The following EIF3J variants were observed in gnomAD, a reference collection of about 807,000 sequenced individuals.
EIF3J encodes eukaryotic translation initiation factor 3, subunit 1 (alpha, 35kD).
Under a neutral mutation model 39.0 loss-of-function variants are expected in EIF3J, and 15 were observed. The observed-to-expected ratio is 0.38, with a 90% CI of 0.26 to 0.59. The LOEUF (loss-of-function observed/expected upper bound fraction) is 0.59. Ranked by LOEUF, EIF3J falls within the 20% of genes least tolerant of loss-of-function variation. The probability of loss-of-function intolerance (pLI) is 0.60; values close to 1 mark genes in which losing one functional copy is unlikely to be tolerated. For synonymous variants in EIF3J, 98 were observed against 112.9 expected, an observed-to-expected ratio of 0.87 and a Z score of 0.84; for missense variants, 226 against 308.6, an observed-to-expected ratio of 0.73 and a Z score of 2.00.
At chr15:44,544,619 G>C (rs1196816896) in intron 2 of EIF3J, among the ~76,000 whole-genome samples, 2 of 149,524 alleles carry the variant, frequency 1.3e-5, no homozygotes, top group Non-Finnish European at 3.0e-5. Context: ...CAGGAGAATC[G>C]CTTGAACCCA....
chr15:44,547,412 G>GAC (rs1295195653), intron 2 of EIF3J, among the ~76,000 whole-genome samples: 1 of 151,454 alleles, frequency 6.6e-6, no homozygotes, highest in Non-Finnish European at 1.5e-5. Context: ...CAAAGTGTTG[G>GAC]GATTACAGGC....
In EIF3J at chr15:44,547,606, G is replaced by A. The variant is rs184274451; in HGVS notation, c.148-3270G>A. On this transcript the variant is annotated intron_variant, in intron 2 of 7. Transcript: ENST00000261868. ...TGGGATTATAGGTGTCTGCCACCAC[G>A]CCCAGCTAATTTTTTGTATTTTTAG... 2.4e-3 allele frequency among the ~76,000 whole-genome samples: 357 copies of A among 151,826 alleles called. 1 individual carries two copies. The highest frequency in any genetic ancestry group is 3.8e-3 in the Non-Finnish European group (261 of 67,932).
intron 5 of EIF3J, among the ~76,000 whole-genome samples, 171 bp from the exon 6 acceptor site, chr15:44,557,318 C>A (rs951453952): frequency 6.6e-6 from 1 of 151,948 alleles, no homozygotes; most frequent in Non-Finnish European, 1.5e-5. Context: ...TTTGTAACCC[C>A]CCTCCCCCCT....
intron 2 of EIF3J, among the ~76,000 whole-genome samples, chr15:44,545,212 C>A (rs1364060453): frequency 6.6e-6 from 1 of 152,114 alleles, no homozygotes; most frequent in Non-Finnish European, 1.5e-5. Context: ...TACTATAATA[C>A]TATTTTTATT....
intron 2 of EIF3J, 58 bp downstream of exon 2, chr15:44,537,485 G>T: frequency 7.0e-7 from 1 of 1,428,912 alleles, no homozygotes; most frequent in South Asian, 1.5e-5. Flanking sequence ...GTTGCCGGCC[G>T]ACTCTGGGCC....
In EIF3J at chr15:44,537,409, C is replaced by G; in HGVS notation, c.129C>G (p.Asp43Glu). 6.4e-7 allele frequency: 1 copy of G among 1,557,392 alleles called. No homozygotes were observed. Among genetic ancestry groups the G allele is most frequent in the East Asian group, 2.4e-5 (1 of 41,972 alleles). ...GCGGGGACCGCTGGGAAGGCGAGGA[C>G]GAGGACGAGGACGTCAAGGTGGGTG... The part of the protein sequence containing the change: ...TAGGDRWEGE[D>E]EDEDVKDNWD... The change falls in exon 2 of 8, where the codon GAC becomes GAG. Residue 43 changes from aspartate (D) to glutamate (E), a missense_variant. Around this residue, in one of 2 missense-constraint regions of EIF3J, gnomAD observed 143 missense variants for 156.0 expected, o/e 0.92. Transcript: ENST00000261868.
chr15:44,546,183 G>A (rs554394725), intron 2 of EIF3J, among the ~76,000 whole-genome samples: 3 of 152,192 alleles, frequency 2.0e-5, no homozygotes, highest in East Asian at 3.9e-4. Context: ...GCAAACTAAC[G>A]GCGAAATACA....
chr15:44,553,665 G>A (rs1265738051), intron 4 of EIF3J, among the ~76,000 whole-genome samples: 1 of 151,682 alleles, frequency 6.6e-6, no homozygotes, highest in African/African-American at 2.4e-5. Context: ...GATGAAAAGG[G>A]GAAATGTTTT....
rs1367567376 is a variant in EIF3J, at chr15:44,561,261, CT to C, written c.*116del. The C allele has an allele frequency of 3.8e-5, 49 of 1,292,582 alleles. No homozygotes were observed. The Admixed American group carries it at 5.7e-4, about 15-fold the overall frequency. The allele number at this position is 1,292,582 out of a possible 1,614,324, so 80.1% of individuals were successfully genotyped here. A position where few individuals can be genotyped will look rare whatever the true frequency, so the allele number is the denominator to read the frequency against. ...AATGCTACAATCAGAAGTGCAGTAT[CT>C]TTTGTGCTGGTTATTTAACCCCTTG... On this transcript the variant is annotated 3_prime_UTR_variant, in exon 8 of 8. Coordinates refer to ENST00000261868, the MANE Select transcript of EIF3J (RefSeq NM_003758.4).
intron 2 of EIF3J, 169 bp from the exon 3 acceptor site, chr15:44,550,707 A>G (rs2082091677): frequency 2.0e-6 from 1 of 505,720 alleles, no homozygotes. Flanking sequence ...ATTCTTGGTT[A>G]GGGCAGCTCA....
At chr15:44,540,265 ATAT>A (rs1198140760) in intron 2 of EIF3J, among the ~76,000 whole-genome samples, 891 of 65,300 alleles carry the variant, frequency 0.014, 5 homozygotes, top group Non-Finnish European at 0.019. Flanking sequence ...ATATATATAT[ATAT>A]TTTTTTTTTT....
At chr15:44,549,260 G>C (rs2082078520) in intron 2 of EIF3J, among the ~76,000 whole-genome samples, 1 of 152,014 alleles carries the variant, frequency 6.6e-6, no homozygotes, top group Admixed American at 6.6e-5. Context: ...AGGCATGGTG[G>C]TGCATGTCTA....
Position 44,561,355 on chromosome 15 carries a change from C to T in EIF3J, c.*206C>T, listed in dbSNP as rs1429182868. The T allele has an allele frequency of 2.3e-6, 1 of 432,486 alleles. No homozygotes were observed. Among genetic ancestry groups the T allele is most frequent in the Non-Finnish European group, 4.0e-6 (1 of 248,588 alleles). The allele number at this position is 432,486 out of a possible 1,614,324, so 26.8% of individuals were successfully genotyped here. On this transcript the variant is annotated 3_prime_UTR_variant, in exon 8 of 8. Transcript: ENST00000261868. ...CTGCCAAGGGGTTAAAATTGGGAACCTAAGTTGCTACTAAATCATAGTTCA... is the reference window on the plus strand; with the variant it reads ...CTGCCAAGGGGTTAAAATTGGGAACTTAAGTTGCTACTAAATCATAGTTCA...
rs534829835 is a variant in EIF3J at position 44,562,641 on chromosome 15, T to G, written c.*1492T>G. The stretch of plus-strand genomic sequence containing the variant: ...ATAATTACAGTAAATTAAATAAAGA[T>G]TCCTTTAAGGCAGACAAGGGCTAAG... On this transcript the variant is annotated 3_prime_UTR_variant, in exon 8 of 8. Coordinates refer to ENST00000261868, the MANE Select transcript of EIF3J (RefSeq NM_003758.4). The G allele has an allele frequency of 6.4e-6, 1 of 155,666 alleles. No homozygotes were observed. Among genetic ancestry groups the G allele is most frequent in the African/African-American group, 2.4e-5 (1 of 41,588 alleles). The allele number at this position is 155,666 out of a possible 1,614,324, so 9.6% of individuals were successfully genotyped here.
intron 4 of EIF3J, among the ~76,000 whole-genome samples, chr15:44,553,783 A>G (rs907842571): frequency 9.2e-5 from 14 of 152,186 alleles, no homozygotes; most frequent in Non-Finnish European, 1.8e-4. Flanking sequence ...CTTATTTCTT[A>G]AGGTAAATAC....
At chr15:44,556,682 G>C (rs1464592661) in intron 5 of EIF3J, among the ~76,000 whole-genome samples, 1 of 152,162 alleles carries the variant, frequency 6.6e-6, no homozygotes, top group African/African-American at 2.4e-5. Flanking sequence ...GCTAATTTTT[G>C]TATTTTTGGT....
intron 4 of EIF3J, 148 bp from the exon 5 acceptor site, chr15:44,554,405 A>AAAATT: frequency 5.6e-6 from 2 of 354,742 alleles, no homozygotes; most frequent in Non-Finnish European, 1.0e-5. Flanking sequence ...AAAAAACTAA[A>AAAATT]GTGTTTAGAA....
At chr15:44,539,944 T>C (rs1438853007) in intron 2 of EIF3J, among the ~76,000 whole-genome samples, 2 of 111,942 alleles carry the variant, frequency 1.8e-5, no homozygotes, top group East Asian at 6.9e-4. Flanking sequence ...TATTTTTTTC[T>C]TTTTTTTTTT....
At chr15:44,548,525 G>T (rs1156328745) in intron 2 of EIF3J, among the ~76,000 whole-genome samples, 1 of 152,178 alleles carries the variant, frequency 6.6e-6, no homozygotes, top group African/African-American at 2.4e-5. Flanking sequence ...TGAAAATTTA[G>T]TATATGGTAA....
Sources: gnomAD v4.1 joint callset for allele counts (sites outside exome capture counted in the v4.1 genomes callset) on GRCh38, gnomAD v4.1.1 for gene constraint, gnomAD v4.1.1 regional missense constraint, MANE v1.5 for transcripts, NCBI Gene and HGNC (gene_info 2026-07-23, HGNC 2026-07-21) for gene names.